DKC1: variants seen among roughly 807,000 people sequenced by gnomAD.
DKC1 encodes H/ACA ribonucleoprotein complex subunit DKC1.
Under a neutral mutation model 46.7 loss-of-function variants are expected in DKC1, and 4 were observed. The observed-to-expected ratio is 0.09, with a 90% CI of 0.04 to 0.20. DKC1 has a LOEUF of 0.20. Among genes scored for constraint, DKC1 ranks in the 10% least tolerant of loss-of-function variants. The pLI is 1.00. For synonymous variants in DKC1, 141 were observed against 142.4 expected, an observed-to-expected ratio of 0.99 and a Z score of 0.07; for missense variants, 171 against 404.2, an observed-to-expected ratio of 0.42 and a Z score of 4.95.
chrX:154,771,986 G>A (rs1289771354), intron 10 of DKC1, among the ~76,000 whole-genome samples: 2 of 112,221 alleles, frequency 1.8e-5, no homozygotes, highest in African/African-American at 3.2e-5. Flanking sequence ...GTGTACAAAG[G>A]TTCCCTTTTC....
intron 13 of DKC1, 103 bp from the exon 14 acceptor site, chrX:154,776,084 C>A: frequency 9.8e-7 from 1 of 1,025,602 alleles, no homozygotes; most frequent in Non-Finnish European, 1.4e-6. Flanking sequence ...CTGTTAGATT[C>A]AGTTGGGATC....
intron 6 of DKC1, 54 bp from the exon 7 acceptor site, chrX:154,767,202 A>G: frequency 8.3e-7 from 1 of 1,207,691 alleles, no homozygotes; most frequent in South Asian, 1.8e-5. Flanking sequence ...TGGACCAGTG[A>G]CTGCACATGT....
chrX:154,775,452 G>A, intron 13 of DKC1, 179 bp downstream of exon 13: 1 of 509,746 alleles, frequency 2.0e-6, no homozygotes, highest in Admixed American at 2.7e-5. Context: ...GGCTCTGCAG[G>A]CTCCTCTGAT....
chrX:154,763,074 C>A, intron 1 of DKC1, 93 bp downstream of exon 1: 1 of 1,039,478 alleles, frequency 9.6e-7, no homozygotes, highest in Non-Finnish European at 1.3e-6. Flanking sequence ...ACGCCTCCCT[C>A]TGGTTCCCGC....
intron 12 of DKC1, chrX:154,774,954 G>C: frequency 1.7e-6 from 1 of 574,852 alleles, no homozygotes; most frequent in Admixed American, 2.2e-5. Flanking sequence ...TTCAGCTCCC[G>C]TGAGATTTTG....
intron 1 of DKC1, 91 bp downstream of exon 1, chrX:154,763,072 C>T (rs1220312146): frequency 3.8e-6 from 4 of 1,039,760 alleles, no homozygotes; most frequent in Non-Finnish European, 5.3e-6. Context: ...GCACGCCTCC[C>T]TCTGGTTCCC....
rs1557265774 is a variant in DKC1 at position 154,776,810 on chromosome X, C to T, written c.1488C>T (p.Thr496=). The T allele has an allele frequency of 5.0e-6, 6 of 1,207,037 alleles. No homozygotes were observed. The highest frequency in any genetic ancestry group is 6.7e-6 in the Non-Finnish European group (6 of 892,856). The change falls in exon 15 of 15, where the codon ACC becomes ACT. Residue 496 remains threonine, a synonymous_variant. Transcript: ENST00000369550. ...CTCTTTCTTTCTAGGACAGTGATAC[C>T]ACCAAGAAGAAGAAGAAGAAGAAGA... ...GAEPGDGDSD[T]TKKKKKKKKA... is the part of the protein sequence containing the mutation.
rs957804297 is a variant in DKC1 at position 154,763,043 on chromosome X, G to A, written c.16+62G>A. 2.7e-6 allele frequency: 3 copies of A among 1,124,378 alleles called. No individual in the cohort carries two copies. The East Asian group carries it at 9.8e-5, about 37-fold the overall frequency. 92.7% of individuals were successfully genotyped at this position (1,124,378 alleles called of 1,213,427 possible). On this transcript the variant is annotated intron_variant, in intron 1 of 14. Coordinates refer to ENST00000369550, the MANE Select transcript of DKC1 (RefSeq NM_001363.5). The stretch of plus-strand genomic sequence containing the variant: ...GGCGACTCGGGGAACGGGGGTGGGG[G>A]GATGGTATCGGGGCCCGCGCACGCC...
intron 11 of DKC1, 94 bp downstream of exon 11, chrX:154,773,343 TCACAGAGGGGGA>T: frequency 2.2e-6 from 1 of 451,268 alleles, no homozygotes. Context: ...TGGGTGTTTC[TCACAGAGGGGGA>T]TTTGGCAGGG....
chrX:154,774,755 C>T (rs781875865), intron 12 of DKC1, 50 bp downstream of exon 12: 3 of 1,039,523 alleles, frequency 2.9e-6, no homozygotes, highest in Non-Finnish European at 4.0e-6. Flanking sequence ...GGCACACTTG[C>T]TGCCTTGATG....
chrX:154,768,455 T>C, intron 8 of DKC1, 23 bp downstream of exon 8: 2 of 1,210,523 alleles, frequency 1.7e-6, no homozygotes, highest in South Asian at 3.5e-5. Flanking sequence ...GGGCTAGAAG[T>C]TTTAGAGCTG....
intron 7 of DKC1, among the ~76,000 whole-genome samples, chrX:154,767,799 G>A (rs782484065): frequency 4.7e-4 from 51 of 107,604 alleles, no homozygotes; most frequent in African/African-American, 1.6e-3. Flanking sequence ...GAATATACCT[G>A]CAACTTAAGT....
chrX:154,767,757 A>G (rs1246143585), intron 7 of DKC1, among the ~76,000 whole-genome samples: 2 of 110,367 alleles, frequency 1.8e-5, no homozygotes, highest in South Asian at 3.7e-4. Flanking sequence ...GACAATGCCA[A>G]TTTTCCTCCC....
chrX:154,771,978 G>A (rs1557265020), intron 10 of DKC1, among the ~76,000 whole-genome samples: 2 of 112,309 alleles, frequency 1.8e-5, no homozygotes, highest in Admixed American at 1.9e-4. Flanking sequence ...CATCAACAGT[G>A]TACAAAGGTT....
chrX:154,763,035 G>C, intron 1 of DKC1, 54 bp downstream of exon 1: 3 of 1,150,509 alleles, frequency 2.6e-6, no homozygotes, highest in Admixed American at 2.6e-5. Flanking sequence ...CGGGGAACGG[G>C]GGTGGGGGGA....
intron 1 of DKC1, among the ~76,000 whole-genome samples, chrX:154,763,421 A>G (rs1246332724): frequency 8.9e-6 from 1 of 112,130 alleles, no homozygotes; most frequent in African/African-American, 3.2e-5. Flanking sequence ...GTTGCAAGAA[A>G]GTTCTAGAGG....
intron 8 of DKC1, 150 bp downstream of exon 8, chrX:154,768,582 T>C (rs2071779652): frequency 2.6e-6 from 2 of 760,214 alleles, no homozygotes; most frequent in Admixed American, 4.4e-5. Context: ...TAATTAAACT[T>C]TGGGACATTA....
intron 5 of DKC1, 155 bp downstream of exon 5, chrX:154,766,555 G>A: frequency 1.8e-6 from 1 of 543,759 alleles, no homozygotes; most frequent in Non-Finnish European, 2.9e-6. Context: ...TCTGTCCCCT[G>A]CCAGATCTTG....
rs1557264252 is a variant in DKC1 at position 154,767,007 on chromosome X, T to C, written c.459T>C (p.Tyr153=). Residue 153 remains tyrosine, a synonymous_variant, in exon 6 of 15, where the codon TAT becomes TAC. Transcript: ENST00000369550. The part of the protein sequence containing the change: ...VKSQQSAGKE[Y]VGIVRLHNAI... ...TTTGTCATTTTTCAGGCAAAGAGTA[T>C]GTGGGGATTGTCCGGCTGCACAATG... is the stretch of plus-strand genomic sequence containing the variant. 1 of 1,211,218 alleles carries C rather than the reference T, an allele frequency of 8.3e-7. No individual in the cohort carries two copies. The highest frequency in any genetic ancestry group is 1.1e-6 in the Non-Finnish European group (1 of 895,083).
Sources: gnomAD v4.1 joint callset for allele counts (sites outside exome capture counted in the v4.1 genomes callset) on GRCh38, gnomAD v4.1.1 for gene constraint, MANE v1.5 for transcripts, NCBI Gene and HGNC (gene_info 2026-07-23, HGNC 2026-07-21) for gene names.